Variants in CADM2 observed in about 807,000 individuals in gnomAD.
The protein encoded by CADM2 is immunoglobulin superfamily member 4D.
Under a neutral mutation model 49.8 loss-of-function variants are expected in CADM2, and 12 were observed. That is an observed-to-expected ratio of 0.24 (90% CI 0.15 to 0.39). The LOEUF (loss-of-function observed/expected upper bound fraction) is 0.39, where lower values mean the gene tolerates loss of function less well. Ranked by LOEUF, CADM2 falls within the 10% of genes least tolerant of loss-of-function variation. CADM2 has a pLI of 1.00. For synonymous variants in CADM2, 214 were observed against 175.4 expected (o/e 1.22, Z -1.74); for missense variants, 378 against 492.3 (o/e 0.77, Z 2.20).
intron 1 of CADM2, among the ~76,000 whole-genome samples, chr3:85,395,439 G>T (rs1168841803): frequency 1.3e-5 from 2 of 151,566 alleles, no homozygotes; most frequent in South Asian, 2.1e-4. Flanking sequence ...ATTTAATACA[G>T]ACTTAGACAG....
intron 3 of CADM2, among the ~76,000 whole-genome samples, chr3:85,818,338 G>T (rs1034264472): frequency 5.3e-5 from 8 of 152,060 alleles, no homozygotes; most frequent in African/African-American, 1.9e-4. Context: ...TATGAAAGAG[G>T]CTCTCCCACC....
At chr3:85,369,148 CAG>C (rs1441564725) in intron 1 of CADM2, among the ~76,000 whole-genome samples, 1 of 152,092 alleles carries the variant, frequency 6.6e-6, no homozygotes, top group Non-Finnish European at 1.5e-5. Flanking sequence ...TCCAATTAAA[CAG>C]TAACTTATTG....
intron 7 of CADM2, among the ~76,000 whole-genome samples, chr3:85,950,779 T>C (rs1723336184): frequency 6.6e-6 from 1 of 151,136 alleles, no homozygotes; most frequent in African/African-American, 2.4e-5. Flanking sequence ...TTAATATGCA[T>C]GTTATTTTCC....
intron 1 of CADM2, among the ~76,000 whole-genome samples, chr3:85,426,130 TC>T (rs2107509172): frequency 1.0e-5 from 1 of 99,500 alleles, no homozygotes; most frequent in East Asian, 6.5e-4. Context: ...TTTCAGGCTA[TC>T]TTTTTTTTTT....
At chr3:85,709,151 T>C (rs1305251032) in intron 1 of CADM2, among the ~76,000 whole-genome samples, 1 of 152,124 alleles carries the variant, frequency 6.6e-6, no homozygotes, top group Admixed American at 6.6e-5. Context: ...TTTCAAACAC[T>C]GAATATTTTT....
chr3:85,961,776 GAT>G (rs1445731002), intron 8 of CADM2, 129 bp downstream of exon 8: 1 of 456,158 alleles, frequency 2.2e-6, no homozygotes, highest in African/African-American at 2.0e-5. Flanking sequence ...CATCTTATGA[GAT>G]ATTTAATTAT....
intron 1 of CADM2, among the ~76,000 whole-genome samples, chr3:85,229,842 T>A (rs370210466): frequency 6.6e-6 from 1 of 152,246 alleles, no homozygotes; most frequent in South Asian, 2.1e-4. Flanking sequence ...GTCAGGTTTT[T>A]TGTTTAACAT....
chr3:85,208,428 G>A (rs1039797424), intron 1 of CADM2, among the ~76,000 whole-genome samples: 4 of 152,096 alleles, frequency 2.6e-5, no homozygotes, highest in Admixed American at 2.0e-4. Flanking sequence ...CAGATGGATC[G>A]GAAACCAACA....
At chr3:85,417,394 A>T (rs752614164) in intron 1 of CADM2, among the ~76,000 whole-genome samples, 1 of 152,132 alleles carries the variant, frequency 6.6e-6, no homozygotes, top group Non-Finnish European at 1.5e-5. Context: ...TCAAACACGA[A>T]TCGAGGCCCA....
intron 8 of CADM2, among the ~76,000 whole-genome samples, chr3:85,985,565 T>C (rs1196105741): frequency 6.6e-6 from 1 of 152,050 alleles, no homozygotes; most frequent in Non-Finnish European, 1.5e-5. Flanking sequence ...GGAATGACTA[T>C]AAAACCAGTC....
intron 1 of CADM2, among the ~76,000 whole-genome samples, chr3:85,196,984 A>AT (rs1209840329): frequency 6.6e-6 from 1 of 151,928 alleles, no homozygotes; most frequent in Admixed American, 6.6e-5. Context: ...TATTTTGTGA[A>AT]TTTTATTATA....
intron 2 of CADM2, among the ~76,000 whole-genome samples, chr3:85,787,615 A>T (rs1342588685): frequency 6.6e-6 from 1 of 152,136 alleles, no homozygotes; most frequent in Non-Finnish European, 1.5e-5. Flanking sequence ...TGCAAGTACC[A>T]TATGTTCAGC....
intron 1 of CADM2, among the ~76,000 whole-genome samples, chr3:85,438,051 C>G (rs1414016588): frequency 2.0e-5 from 3 of 151,868 alleles, no homozygotes; most frequent in Admixed American, 2.0e-4. Context: ...ATATTTATTG[C>G]TTTCAGTACT....
chr3:85,284,982 G>A (rs1016859728), intron 1 of CADM2, among the ~76,000 whole-genome samples: 3 of 152,056 alleles, frequency 2.0e-5, no homozygotes, highest in African/African-American at 7.2e-5. Flanking sequence ...GAGAAACATG[G>A]CAGTGCCTTG....
intron 8 of CADM2, among the ~76,000 whole-genome samples, chr3:86,046,777 C>A (rs1736735833): frequency 6.6e-6 from 1 of 151,314 alleles, no homozygotes. Context: ...CTTAAACACC[C>A]CCAACCCCCC....
intron 1 of CADM2, among the ~76,000 whole-genome samples, chr3:85,069,807 A>G (rs977249085): frequency 1.3e-5 from 2 of 152,144 alleles, no homozygotes; most frequent in Non-Finnish European, 2.9e-5. Context: ...TCATACAAAT[A>G]TTACCACTGT....
At chr3:85,996,945 A>G (rs1265833938) in intron 8 of CADM2, among the ~76,000 whole-genome samples, 1 of 152,154 alleles carries the variant, frequency 6.6e-6, no homozygotes, top group East Asian at 1.9e-4. Flanking sequence ...CCAGTCTAGT[A>G]ACTTTCTCTT....
intron 1 of CADM2, among the ~76,000 whole-genome samples, chr3:85,142,617 A>G (rs1242183841): frequency 6.6e-6 from 1 of 152,232 alleles, no homozygotes; most frequent in Non-Finnish European, 1.5e-5. Flanking sequence ...GAAGAAGAAA[A>G]TGAACTAATT....
At chr3:86,008,222 CTG>C (rs1731040134) in intron 8 of CADM2, among the ~76,000 whole-genome samples, 2 of 152,026 alleles carry the variant, frequency 1.3e-5, no homozygotes, top group Admixed American at 1.3e-4. Context: ...ACTTTGTAGA[CTG>C]GGAATGAAAG....
Sources: allele counts gnomAD v4.1 joint callset (sites outside exome capture counted in the v4.1 genomes callset), GRCh38; gene constraint gnomAD v4.1.1; transcripts MANE v1.5; gene names NCBI Gene and HGNC (gene_info 2026-07-23, HGNC 2026-07-21).